KCNJ16: variants seen among roughly 807,000 people sequenced by gnomAD.
KCNJ16 encodes potassium inwardly rectifying channel subfamily J member 16.
KCNJ16 carries 15 observed loss-of-function variants against 18.5 expected under a neutral mutation model. The ratio of observed to expected loss-of-function variants is 0.81; its 90% CI spans 0.54 to 1.25. The LOEUF (loss-of-function observed/expected upper bound fraction) is 1.25, where lower values mean the gene tolerates loss of function less well. KCNJ16 is among the 50% of genes most tolerant of loss of function. The probability of loss-of-function intolerance (pLI) is 0.00; values close to 1 mark genes in which losing one functional copy is unlikely to be tolerated. For missense variants in KCNJ16, 523 were observed against 525.7 expected (o/e 0.99, Z 0.05); for synonymous variants, 174 against 186.5 (o/e 0.93, Z 0.55).
intron 2 of KCNJ16, among the ~76,000 whole-genome samples, chr17:70,130,255 A>G (rs2074009803): frequency 6.6e-6 from 1 of 152,168 alleles, no homozygotes; most frequent in African/African-American, 2.4e-5. Context: ...AGAAACCTCC[A>G]AAGCATGGTG....
chr17:70,088,859 G>A (rs1480300564), intron 1 of KCNJ16, among the ~76,000 whole-genome samples: 2 of 151,958 alleles, frequency 1.3e-5, no homozygotes, highest in Non-Finnish European at 2.9e-5. Context: ...TAGTCCTATG[G>A]CTTGAATGAC....
chr17:70,085,170 G>A (rs553022323), intron 1 of KCNJ16, among the ~76,000 whole-genome samples: 50 of 152,178 alleles, frequency 3.3e-4, no homozygotes, highest in South Asian at 1.0e-3. Flanking sequence ...TGAATCTTTC[G>A]TGGACCATAT....
At chr17:70,084,493 A>G (rs1054066313) in intron 1 of KCNJ16, among the ~76,000 whole-genome samples, 14 of 152,212 alleles carry the variant, frequency 9.2e-5, no homozygotes, top group Admixed American at 5.2e-4. Flanking sequence ...AATTTTTCAG[A>G]GTCTCATGTT....
At chr17:70,089,035 G>A (rs1371557950) in intron 1 of KCNJ16, among the ~76,000 whole-genome samples, 1 of 152,144 alleles carries the variant, frequency 6.6e-6, no homozygotes, top group Non-Finnish European at 1.5e-5. Flanking sequence ...ACGTGTGAAA[G>A]TTTTCTTTCT....
intron 1 of KCNJ16, among the ~76,000 whole-genome samples, chr17:70,087,631 C>T (rs950957254): frequency 6.6e-5 from 10 of 152,068 alleles, no homozygotes; most frequent in African/African-American, 1.9e-4. Context: ...CGCTTGAACC[C>T]GGGAGGCAGA....
chr17:70,077,926 A>G (rs146957891), intron 1 of KCNJ16, among the ~76,000 whole-genome samples: 1 of 152,294 alleles, frequency 6.6e-6, no homozygotes, highest in Non-Finnish European at 1.5e-5. Context: ...TTTCCTATAC[A>G]AAGACAGTTA....
chr17:70,107,135 G>A (rs962752034), intron 2 of KCNJ16, among the ~76,000 whole-genome samples: 1 of 152,100 alleles, frequency 6.6e-6, no homozygotes, highest in Non-Finnish European at 1.5e-5. Flanking sequence ...TCTTATAATT[G>A]TCCTTTTAAA....
Position 70,130,991 on chromosome 17 carries a change from T to TC in KCNJ16, c.-94+17dup, listed in dbSNP as rs1283478285. On this transcript the variant is annotated intron_variant, in intron 3 of 3. Coordinates refer to ENST00000392671, the MANE Select transcript of KCNJ16 (RefSeq NM_170741.4). Reference sequence around the variant, plus strand: ...GCTAAAAATGGTAAGAGCTGCATGTTCTGCCTTGATGTTTTCAAGACTGAA... The same window carrying TC: ...GCTAAAAATGGTAAGAGCTGCATGTTCCTGCCTTGATGTTTTCAAGACTGAA... 31 of 1,535,024 alleles carry TC rather than the reference T, an allele frequency of 2.0e-5. No individual in the cohort carries two copies. In the African/African-American group the frequency reaches 3.8e-4, roughly 19 times the overall value.
At chr17:70,101,213 G>C (rs1598122367) in intron 2 of KCNJ16, 2 of 152,230 alleles carry the variant, frequency 1.3e-5, no homozygotes, top group East Asian at 1.9e-4. Context: ...CATCTAGTGG[G>C]AAGAGTTTAG....
chr17:70,095,272 A>AT (rs113012145), intron 1 of KCNJ16, among the ~76,000 whole-genome samples: 4 of 152,012 alleles, frequency 2.6e-5, no homozygotes, highest in African/African-American at 9.6e-5. Context: ...GTAAGACAAA[A>AT]CAACTTTGAC....
rs1381191035 is a variant in KCNJ16 at position 70,132,214 on chromosome 17, T to C, written c.127T>C (p.Cys43Arg). The C allele has an allele frequency of 6.2e-7, 1 of 1,614,252 alleles. No homozygotes were observed. Among genetic ancestry groups the C allele is most frequent in the Non-Finnish European group, 8.5e-7 (1 of 1,180,036 alleles). The change falls in exon 4 of 4, where the codon TGT (cysteine) becomes CGT (arginine). Residue 43 changes from cysteine (C) to arginine (R), a missense_variant. Physicochemically the swap from Cys to Arg is radical, Grantham distance 180. Transcript: ENST00000392671. ...ACGATTACTTCACAAAGATGGCAGC[T>C]GTAATGTCTACTTCAAGCACATTTT... ...RRRLLHKDGS[C>R]NVYFKHIFGE...
intron 2 of KCNJ16, among the ~76,000 whole-genome samples, chr17:70,111,307 A>C (rs1309059808): frequency 2.6e-5 from 4 of 152,158 alleles, no homozygotes; most frequent in African/African-American, 9.7e-5. Flanking sequence ...GATGGCTATT[A>C]GGATTATGGG....
intron 2 of KCNJ16, among the ~76,000 whole-genome samples, chr17:70,109,756 ACATT>A (rs1321101804): frequency 6.6e-6 from 1 of 152,206 alleles, no homozygotes. Context: ...TCTGGCCACT[ACATT>A]GCCTTTGAAT....
chr17:70,127,875 T>C (rs1009923904), intron 2 of KCNJ16, among the ~76,000 whole-genome samples: 1 of 152,218 alleles, frequency 6.6e-6, no homozygotes, highest in Non-Finnish European at 1.5e-5. Context: ...ACATTCAGAA[T>C]TGTGTTTTCT....
At chr17:70,131,435 G>A in intron 3 of KCNJ16, 17 of 1,001,156 alleles carry the variant, frequency 1.7e-5, no homozygotes, top group Non-Finnish European at 1.9e-5. Flanking sequence ...AGTATACAAG[G>A]AAGAAAAGCC....
At chr17:70,084,668 A>G (rs1257378633) in intron 1 of KCNJ16, among the ~76,000 whole-genome samples, 4 of 152,126 alleles carry the variant, frequency 2.6e-5, no homozygotes, top group African/African-American at 9.7e-5. Context: ...CGTCCCCTAC[A>G]CTAACCCCAG....
At chr17:70,116,705 CTCACTA>C (rs1355834008) in intron 2 of KCNJ16, among the ~76,000 whole-genome samples, 1 of 152,052 alleles carries the variant, frequency 6.6e-6, no homozygotes, top group Admixed American at 6.6e-5. Flanking sequence ...TGAAAAAATG[CTCACTA>C]TCACTAAGCA....
At chr17:70,131,184 C>T (rs2074043252) in intron 3 of KCNJ16, among the ~76,000 whole-genome samples, 1 of 133,370 alleles carries the variant, frequency 7.5e-6, no homozygotes, top group African/African-American at 3.0e-5. Flanking sequence ...AAGAGAAGAG[C>T]TGCCAGTGTC....
rs2074181191 is a variant in KCNJ16 at position 70,135,057 on chromosome 17, A to G, written c.*1713A>G. On this transcript the variant is annotated 3_prime_UTR_variant, in exon 4 of 4. Coordinates refer to ENST00000392671, the MANE Select transcript of KCNJ16 (RefSeq NM_170741.4). Reference sequence around the variant, plus strand: ...AGTAATAAAGTTACTTTTTAAATGCACGTATGCAATCTTTTATTCCTCTTG... The same window carrying G: ...AGTAATAAAGTTACTTTTTAAATGCGCGTATGCAATCTTTTATTCCTCTTG... The G allele has an allele frequency of 1.4e-5, 2 of 144,268 alleles. 1 individual carries two copies. The highest frequency in any genetic ancestry group is 4.5e-4 in the South Asian group (2 of 4,426). The allele number at this position is 144,268 out of a possible 1,614,324, so 8.9% of individuals were successfully genotyped here.
Sources: allele counts gnomAD v4.1 joint callset (sites outside exome capture counted in the v4.1 genomes callset), GRCh38; gene constraint gnomAD v4.1.1; transcripts MANE v1.5; gene names NCBI Gene and HGNC (gene_info 2026-07-23, HGNC 2026-07-21).